CHRNA9: variants seen among roughly 807,000 people sequenced by gnomAD.
CHRNA9 encodes neuronal acetylcholine receptor subunit alpha-9.
In CHRNA9, 24 loss-of-function variants were observed where a neutral mutation model predicts 36.8. The ratio of observed to expected loss-of-function variants is 0.65; its 90% CI spans 0.47 to 0.92. The LOEUF (loss-of-function observed/expected upper bound fraction) is 0.92. CHRNA9 is among the 40% of genes least tolerant of loss of function. The pLI, the probability that CHRNA9 is intolerant of heterozygous loss-of-function variation, is 0.00. For missense variants in CHRNA9, 610 were observed against 601.2 expected (o/e 1.01, Z -0.15); for synonymous variants, 231 against 231.8 (o/e 1.00, Z 0.03).
intron 3 of CHRNA9, among the ~76,000 whole-genome samples, chr4:40,340,862 G>T (rs1712478957): frequency 6.6e-6 from 1 of 150,864 alleles, no homozygotes; most frequent in Admixed American, 6.6e-5. Flanking sequence ...ACTTGATGAT[G>T]GTTACCTTAG....
rs55665751 is a variant in CHRNA9 at position 40,349,191 on chromosome 4, G to A, written c.675G>A (p.Pro225=). 6.1e-3 allele frequency: 9,896 copies of A among 1,614,098 alleles called. 45 individuals are homozygous for A. The highest frequency in any genetic ancestry group is 6.9e-3 in the Non-Finnish European group (8,192 of 1,180,022). Residue 225 remains proline, a synonymous_variant, in exon 4 of 5, where the codon CCG becomes CCA. Coordinates refer to ENST00000310169, the MANE Select transcript of CHRNA9 (RefSeq NM_017581.4). ...ATGGCTGCTGCTCTGAGCCTTACCCGGATGTCACATTCACCCTCCTTCTGA... is the reference window on the plus strand; with the variant it reads ...ATGGCTGCTGCTCTGAGCCTTACCCAGATGTCACATTCACCCTCCTTCTGA... ...ISYGCCSEPY[P]DVTFTLLLKR... is the part of the protein sequence containing the mutation.
At chr4:40,348,744 C>A (rs1712705431) in intron 3 of CHRNA9, 138 bp from the exon 4 acceptor site, 1 of 745,262 alleles carries the variant, frequency 1.3e-6, no homozygotes, top group East Asian at 2.6e-5. Context: ...TGATTCCAGA[C>A]TTCCGAGCCA....
intron 4 of CHRNA9, among the ~76,000 whole-genome samples, chr4:40,352,121 T>A (rs1712818501): frequency 2.0e-5 from 3 of 152,262 alleles, no homozygotes; most frequent in Admixed American, 2.0e-4. Flanking sequence ...TGGTATTTGA[T>A]TGATTCCCAT....
chr4:40,340,915 C>T (rs6447378), intron 3 of CHRNA9, among the ~76,000 whole-genome samples: 140,046 of 148,336 alleles, frequency 0.94, 66,239 homozygotes, highest in East Asian at 1. Context: ...GAACAAACAA[C>T]GTTCCAGAAG....
chr4:40,337,001 AC>A (rs1281591279), intron 2 of CHRNA9, among the ~76,000 whole-genome samples: 1 of 151,978 alleles, frequency 6.6e-6, no homozygotes, highest in Non-Finnish European at 1.5e-5. Flanking sequence ...TGTCCACTTT[AC>A]ATTCTGAACA....
At chr4:40,342,857 G>A (rs1452998804) in intron 3 of CHRNA9, among the ~76,000 whole-genome samples, 1 of 152,038 alleles carries the variant, frequency 6.6e-6, no homozygotes, top group Non-Finnish European at 1.5e-5. Flanking sequence ...AGGGACCAAG[G>A]GAGGCAAAAT....
rs1560314479 is a variant in CHRNA9 at position 40,335,843 on chromosome 4, T to TGGAAAATA, written c.82_89dup (p.Tyr30Ter). 3 of 1,613,420 alleles carry TGGAAAATA rather than the reference T, an allele frequency of 1.9e-6. No homozygotes were observed. The highest frequency in any genetic ancestry group is 2.5e-6 in the Non-Finnish European group (3 of 1,179,446). On this transcript the variant is annotated frameshift_variant, in exon 2 of 5. Transcript: ENST00000310169. LOFTEE classifies it high-confidence loss of function. ...GTTGAGTAGCTGCAGAGACGGCAGA[T>TGGAAAATA]GGAAAATATGCTCAGAAGTTGTTTA...
At chr4:40,340,277 G>A (rs955116561) in intron 3 of CHRNA9, among the ~76,000 whole-genome samples, 2 of 152,054 alleles carry the variant, frequency 1.3e-5, no homozygotes. Context: ...TGTTCCTCTG[G>A]TTGACTCTTT....
At chr4:40,342,795 A>G (rs1251380780) in intron 3 of CHRNA9, among the ~76,000 whole-genome samples, 1 of 152,128 alleles carries the variant, frequency 6.6e-6, no homozygotes, top group East Asian at 1.9e-4. Flanking sequence ...GTTTGGCAGG[A>G]GAGACTTGCG....
At chr4:40,343,330 T>C (rs1025392688) in intron 3 of CHRNA9, among the ~76,000 whole-genome samples, 1 of 152,168 alleles carries the variant, frequency 6.6e-6, no homozygotes, top group African/African-American at 2.4e-5. Flanking sequence ...ACAGTTCACA[T>C]GGCTGGGGAG....
chr4:40,346,837 G>C (rs1160997875), intron 3 of CHRNA9, among the ~76,000 whole-genome samples: 1 of 151,932 alleles, frequency 6.6e-6, no homozygotes, highest in African/African-American at 2.4e-5. Flanking sequence ...TTGAGATGGA[G>C]TCTCACTCTG....
At position 40,335,960 on chromosome 4, in the gene CHRNA9, G is replaced by A. The variant is rs56171884; in HGVS notation, c.198G>A (p.Gln66=). Residue 66 remains glutamine (Q), a synonymous_variant, in exon 2 of 5, where the codon CAG becomes CAA. Coordinates refer to ENST00000310169, the MANE Select transcript of CHRNA9 (RefSeq NM_017581.4). ...LNVTLQITLS[Q]IKDMDERNQI... is the part of the protein sequence containing the mutation. ...TGACCCTGCAGATTACGCTCTCTCA[G>A]ATTAAGGATATGGTGAGTAACACAT... The A allele has an allele frequency of 3.2e-3, 5,187 of 1,612,864 alleles. 16 individuals are homozygous for A. Among genetic ancestry groups the A allele is most frequent in the Non-Finnish European group, 4.1e-3 (4,826 of 1,178,850 alleles).
At chr4:40,351,377 T>C (rs574136748) in intron 4 of CHRNA9, among the ~76,000 whole-genome samples, 3 of 151,546 alleles carry the variant, frequency 2.0e-5, no homozygotes, top group Non-Finnish European at 4.4e-5. Context: ...GGTCTCACTA[T>C]GTTGGCTAGG....
intron 1 of CHRNA9, 135 bp downstream of exon 1, chr4:40,335,666 A>C (rs1268321804): frequency 2.0e-6 from 2 of 1,000,716 alleles, no homozygotes; most frequent in African/African-American, 3.2e-5. Context: ...ACTGACTCTG[A>C]TCTTGGTAGG....
chr4:40,347,028 G>T (rs573132268), intron 3 of CHRNA9, among the ~76,000 whole-genome samples: 1 of 152,072 alleles, frequency 6.6e-6, no homozygotes, highest in East Asian at 1.9e-4. Flanking sequence ...AGTCAGGCAG[G>T]TCTCGGACTC....
rs770402286 is a variant in CHRNA9, at chr4:40,335,451, A to G, written c.-17A>G. On this transcript the variant is annotated 5_prime_UTR_variant, in exon 1 of 5. The change creates a new upstream start codon in the 5' untranslated region. Transcript: ENST00000310169. ...CGCTGCCTGACTGAGACTTTATTATAGAGGCTCAGGAAAAAGATGAACTGG... is the reference window on the plus strand; with the variant it reads ...CGCTGCCTGACTGAGACTTTATTATGGAGGCTCAGGAAAAAGATGAACTGG... The G allele has an allele frequency of 1.2e-6, 2 of 1,605,038 alleles. No homozygotes were observed. The highest frequency in any genetic ancestry group is 1.1e-5 in the South Asian group (1 of 90,924).
In CHRNA9 at chr4:40,335,367, A is replaced by T. The variant is rs1712282418; in HGVS notation, c.-101A>T. On this transcript the variant is annotated 5_prime_UTR_variant, in exon 1 of 5. Transcript: ENST00000310169. ...CTGAGCTCTCCCGCCATAAGGCTGC[A>T]GCGGTGTGGGCTCCTTGTGCCCAGA... 4 of 881,140 alleles carry T rather than the reference A, an allele frequency of 4.5e-6. No individual in the cohort carries two copies. Among genetic ancestry groups the T allele is most frequent in the African/African-American group, 3.3e-5 (2 of 60,976 alleles). The allele number at this position is 881,140 out of a possible 1,614,324, so 54.6% of individuals were successfully genotyped here.
At chr4:40,348,174 C>T (rs1036374768) in intron 3 of CHRNA9, 18 of 152,314 alleles carry the variant, frequency 1.2e-4, no homozygotes, top group African/African-American at 4.1e-4. Flanking sequence ...CCTGGGCCAC[C>T]CAGCCGGCCT....
chr4:40,338,866 CTGT>C (rs1560315333), intron 3 of CHRNA9, among the ~76,000 whole-genome samples: 3 of 117,950 alleles, frequency 2.5e-5, no homozygotes, highest in African/African-American at 7.3e-5. Context: ...CTCTCTCTCT[CTGT>C]CTCTCTCTCT....
Sources: allele counts gnomAD v4.1 joint callset (sites outside exome capture counted in the v4.1 genomes callset), GRCh38; gene constraint gnomAD v4.1.1; transcripts MANE v1.5; gene names NCBI Gene and HGNC (gene_info 2026-07-23, HGNC 2026-07-21).